Variants in HDAC9 observed in about 807,000 individuals in gnomAD.
The protein encoded by HDAC9 is histone deacetylase 9.
HDAC9 carries 41 observed loss-of-function variants against 139.4 expected under a neutral mutation model. The ratio of observed to expected loss-of-function variants is 0.29; its 90% confidence interval spans 0.23 to 0.38. HDAC9 has a LOEUF of 0.38. Among genes scored for constraint, HDAC9 ranks in the 10% least tolerant of loss-of-function variants. HDAC9 has a pLI of 1.00. For synonymous variants in HDAC9, 517 were observed against 476.2 expected, an observed-to-expected ratio of 1.09 and a Z score of -1.12; for missense variants, 1,147 against 1,297.0, an observed-to-expected ratio of 0.88 and a Z score of 1.78.
intron 13 of HDAC9, among the ~76,000 whole-genome samples, chr7:18,734,007 A>G (rs1482652363): frequency 1.3e-5 from 2 of 152,164 alleles, no homozygotes; most frequent in Non-Finnish European, 2.9e-5. Flanking sequence ...ATTTTTTTCT[A>G]CTTACGGAAA....
chr7:18,377,914 A>G (rs996949711), intron 1 of HDAC9, among the ~76,000 whole-genome samples: 1 of 152,196 alleles, frequency 6.6e-6, no homozygotes. Context: ...TAGAGTAGGG[A>G]ACAAGAAAAT....
At chr7:18,835,424 T>C (rs755433065) in intron 19 of HDAC9, 43 bp from the exon 20 acceptor site, 2 of 1,578,352 alleles carry the variant, frequency 1.3e-6, no homozygotes, top group Non-Finnish European at 1.7e-6. Context: ...CCACACAAAG[T>C]TAGACATGAC....
At chr7:18,683,771 G>A (rs148376850) in intron 12 of HDAC9, among the ~76,000 whole-genome samples, 1 of 151,984 alleles carries the variant, frequency 6.6e-6, no homozygotes, top group Non-Finnish European at 1.5e-5. Flanking sequence ...AACTCTGCTT[G>A]TTAACAAACT....
chr7:18,275,093 A>G (rs142544886), intron 2 of HDAC9, among the ~76,000 whole-genome samples: 19 of 152,308 alleles, frequency 1.2e-4, no homozygotes, highest in African/African-American at 4.3e-4. Flanking sequence ...AATTGCTAGC[A>G]TTTCAGCAAA....
chr7:18,762,833 T>C (rs1350181181), intron 15 of HDAC9, among the ~76,000 whole-genome samples: 2 of 152,148 alleles, frequency 1.3e-5, no homozygotes, highest in Non-Finnish European at 1.5e-5. Context: ...TAATAAACAG[T>C]TTTTTGTTAA....
chr7:18,862,611 C>A (rs1302807345), intron 21 of HDAC9, among the ~76,000 whole-genome samples: 1 of 152,162 alleles, frequency 6.6e-6, no homozygotes, highest in African/African-American at 2.4e-5. Context: ...ACCTTTCCCC[C>A]TCTCCATCTG....
At chr7:18,590,900 T>G (rs2106506) in intron 4 of HDAC9, among the ~76,000 whole-genome samples, 25,909 of 152,128 alleles carry the variant, frequency 0.17, 2,277 homozygotes, top group Admixed American at 0.23. Context: ...ACTCAAACTT[T>G]GAGAAGATTT....
At chr7:18,473,223 T>C (rs1352391028) in intron 1 of HDAC9, among the ~76,000 whole-genome samples, 1 of 152,186 alleles carries the variant, frequency 6.6e-6, no homozygotes, top group East Asian at 1.9e-4. Context: ...GTCACCCTTC[T>C]CAGTATCTGT....
chr7:18,870,987 G>T (rs1798875206), intron 21 of HDAC9, among the ~76,000 whole-genome samples: 1 of 152,136 alleles, frequency 6.6e-6, no homozygotes, highest in Non-Finnish European at 1.5e-5. Flanking sequence ...ATCCATCCTT[G>T]AATCTTGCCT....
intron 24 of HDAC9, among the ~76,000 whole-genome samples, chr7:18,968,958 C>CAAAAAAAAAAAAAAAAAAAA (rs34379636): frequency 2.2e-5 from 1 of 45,192 alleles, no homozygotes; most frequent in African/African-American, 9.4e-5. Context: ...GCCTCCCTCT[C>CAAAAAAAAAAAAAAAAAAAA]AAAAAAAAAA....
intron 6 of HDAC9, among the ~76,000 whole-genome samples, chr7:18,623,527 A>G (rs1167915820): frequency 2.0e-5 from 3 of 152,104 alleles, no homozygotes; most frequent in African/African-American, 7.2e-5. Flanking sequence ...TTTTTATGAT[A>G]GACAACCAGG....
chr7:18,683,943 TCTTA>T (rs1782071965), intron 12 of HDAC9, among the ~76,000 whole-genome samples: 1 of 152,186 alleles, frequency 6.6e-6, no homozygotes, highest in South Asian at 2.1e-4. Context: ...ATTTGATCCA[TCTTA>T]CTTTTTAAAA....
chr7:18,733,675 A>T (rs75291221), intron 13 of HDAC9, among the ~76,000 whole-genome samples: 8,524 of 151,938 alleles, frequency 0.056, 495 homozygotes, highest in African/African-American at 0.14. Flanking sequence ...TGTGTATCTC[A>T]TATGTATACA....
chr7:18,855,318 G>T (rs1053964502), intron 21 of HDAC9, among the ~76,000 whole-genome samples: 1 of 152,144 alleles, frequency 6.6e-6, no homozygotes, highest in Non-Finnish European at 1.5e-5. Context: ...TGGAAAGATT[G>T]ACTGATTGAT....
chr7:18,428,295 GCTT>G (rs1790313815), intron 1 of HDAC9, among the ~76,000 whole-genome samples: 1 of 152,056 alleles, frequency 6.6e-6, no homozygotes, highest in Non-Finnish European at 1.5e-5. Flanking sequence ...AAACTGAAAA[GCTT>G]CTACACAGCA....
At chr7:18,587,784 G>C (rs1324199288) in intron 3 of HDAC9, among the ~76,000 whole-genome samples, 1 of 152,154 alleles carries the variant, frequency 6.6e-6, no homozygotes, top group East Asian at 1.9e-4. Context: ...GCAATAGAGG[G>C]CTAAAGTTTT....
intron 1 of HDAC9, among the ~76,000 whole-genome samples, chr7:18,381,115 C>T (rs1376583410): frequency 2.1e-5 from 3 of 143,102 alleles, no homozygotes; most frequent in Non-Finnish European, 3.0e-5. Context: ...ACAAGAATTG[C>T]CTAAACCCAG....
intron 25 of HDAC9, among the ~76,000 whole-genome samples, chr7:18,981,424 AT>A (rs1279295127): frequency 2.0e-5 from 3 of 152,206 alleles, no homozygotes; most frequent in Non-Finnish European, 4.4e-5. Context: ...TGCAAATTTA[AT>A]GGCTTAAAAC....
At chr7:18,440,985 C>T (rs893901721) in intron 1 of HDAC9, among the ~76,000 whole-genome samples, 1 of 152,130 alleles carries the variant, frequency 6.6e-6, no homozygotes, top group Non-Finnish European at 1.5e-5. Flanking sequence ...ATTAGGGACA[C>T]GAGATTTGGC....
Sources: gnomAD v4.1 joint callset for allele counts (sites outside exome capture counted in the v4.1 genomes callset) on GRCh38, gnomAD v4.1.1 for gene constraint, MANE v1.5 for transcripts, NCBI Gene and HGNC (gene_info 2026-07-23, HGNC 2026-07-21) for gene names.